Variants in MTUS2 observed in about 807,000 individuals in gnomAD.
MTUS2 encodes microtubule-associated tumor suppressor candidate 2.
A neutral mutation model predicts 114.1 loss-of-function variants in MTUS2; 40 were observed. The ratio of observed to expected loss-of-function variants is 0.35; its 90% CI spans 0.27 to 0.46. The LOEUF (loss-of-function observed/expected upper bound fraction) is 0.46, where lower values mean the gene tolerates loss of function less well. Among genes scored for constraint, MTUS2 ranks in the 20% least tolerant of loss-of-function variants. The pLI is 1.00. For synonymous variants in MTUS2, 688 were observed against 672.0 expected (o/e 1.02, Z -0.37); for missense variants, 1,679 against 1,705.4 (o/e 0.98, Z 0.27).
At chr13:29,155,038 G>A (rs542691190) in intron 5 of MTUS2, among the ~76,000 whole-genome samples, 7 of 152,182 alleles carry the variant, frequency 4.6e-5, no homozygotes, top group Non-Finnish European at 8.8e-5. Context: ...GCTCATAGGC[G>A]TCTGTACCAA....
intron 2 of MTUS2, among the ~76,000 whole-genome samples, chr13:28,942,545 C>T (rs539900598): frequency 1.3e-5 from 2 of 152,180 alleles, no homozygotes; most frequent in African/African-American, 2.4e-5. Context: ...CCTAACAGCT[C>T]CAAACTGGAA....
At chr13:29,012,142 G>A (rs907838482) in intron 2 of MTUS2, among the ~76,000 whole-genome samples, 3 of 152,158 alleles carry the variant, frequency 2.0e-5, no homozygotes, top group Admixed American at 6.5e-5. Context: ...CATCCATTCC[G>A]TGAGTCTAAG....
intron 2 of MTUS2, among the ~76,000 whole-genome samples, chr13:28,943,852 C>T (rs2138143850): frequency 6.6e-6 from 1 of 152,260 alleles, no homozygotes; most frequent in East Asian, 1.9e-4. Context: ...AGGAGCTATT[C>T]TAGGGGATGC....
At chr13:28,994,152 T>A (rs1401071874) in intron 2 of MTUS2, among the ~76,000 whole-genome samples, 3 of 152,130 alleles carry the variant, frequency 2.0e-5, no homozygotes, top group African/African-American at 4.8e-5. Context: ...ACATGCAGTG[T>A]TTGGTTTTTT....
intron 2 of MTUS2, among the ~76,000 whole-genome samples, chr13:28,945,464 T>G (rs1882477216): frequency 6.6e-6 from 1 of 152,156 alleles, no homozygotes; most frequent in African/African-American, 2.4e-5. Context: ...TATAAGTGTT[T>G]CCCTTTCTCC....
At chr13:28,946,300 T>C (rs201476161) in intron 2 of MTUS2, among the ~76,000 whole-genome samples, 191 of 94,586 alleles carry the variant, frequency 2.0e-3, no homozygotes, top group African/African-American at 2.5e-3. Flanking sequence ...TGTGTGTGTG[T>C]GTGTGCGCGC....
chr13:28,939,206 A>G (rs767286323), intron 2 of MTUS2, among the ~76,000 whole-genome samples: 1 of 152,180 alleles, frequency 6.6e-6, no homozygotes, highest in Non-Finnish European at 1.5e-5. Flanking sequence ...GCTTCTGCCC[A>G]ACTGCTGCTC....
intron 2 of MTUS2, among the ~76,000 whole-genome samples, chr13:28,841,686 GTTT>G (rs1029229213): frequency 3.4e-5 from 5 of 149,090 alleles, no homozygotes; most frequent in Admixed American, 6.7e-5. Context: ...GTTTTTTTTT[GTTT>G]TTTTGTTTTT....
intron 8 of MTUS2, among the ~76,000 whole-genome samples, chr13:29,422,768 A>G (rs954774799): frequency 1.4e-5 from 2 of 145,554 alleles, no homozygotes; most frequent in East Asian, 2.1e-4. Context: ...GGTTCAAGCA[A>G]TTCTCCTGCC....
intron 2 of MTUS2, among the ~76,000 whole-genome samples, chr13:28,937,993 C>T (rs965560438): frequency 5.3e-5 from 8 of 152,212 alleles, no homozygotes; most frequent in Non-Finnish European, 5.9e-5. Flanking sequence ...TCCTGCATGC[C>T]TCGGAATGAG....
chr13:29,211,024 T>C (rs1895409444), intron 5 of MTUS2, among the ~76,000 whole-genome samples: 1 of 152,076 alleles, frequency 6.6e-6, no homozygotes, highest in South Asian at 2.1e-4. Context: ...GGCAGGGCCA[T>C]AGAGTTCCCA....
At chr13:29,253,329 G>A (rs1276587185) in intron 5 of MTUS2, among the ~76,000 whole-genome samples, 1 of 151,902 alleles carries the variant, frequency 6.6e-6, no homozygotes, top group East Asian at 1.9e-4. Context: ...GGGAGGCTGA[G>A]ACAGGAGAAT....
At chr13:29,400,594 T>C (rs1874252784) in intron 8 of MTUS2, among the ~76,000 whole-genome samples, 2 of 152,204 alleles carry the variant, frequency 1.3e-5, no homozygotes, top group Admixed American at 1.3e-4. Context: ...ATCTGGCCTT[T>C]GTTCCCTTCA....
intron 5 of MTUS2, among the ~76,000 whole-genome samples, chr13:29,144,895 A>T (rs1017046635): frequency 1.3e-5 from 2 of 152,212 alleles, no homozygotes; most frequent in African/African-American, 4.8e-5. Context: ...GTGTGGTCAC[A>T]CCTTACAGTA....
At position 29,390,138 on chromosome 13, in the gene MTUS2, C is replaced by CTA. The variant is rs1312660281; in HGVS notation, c.3117+30676_3117+30677dup. On this transcript the variant is annotated intron_variant, in intron 8 of 15. Transcript: ENST00000612955. ...ATACACACACAAACATATATACTGACTATATATATATACACACACACACTT... is the reference window on the plus strand; with the variant it reads ...ATACACACACAAACATATATACTGACTATATATATATATACACACACACACTT... 3.2e-4 allele frequency among the ~76,000 whole-genome samples: 43 copies of CTA among 134,060 alleles called. 1 individual carries two copies. The highest frequency in any genetic ancestry group is 3.2e-3 in the South Asian group (13 of 4,094). The allele number at this position is 134,060 out of a possible 152,430, so 87.9% of individuals were successfully genotyped here. A position where few individuals can be genotyped will look rare whatever the true frequency, so the allele number is the denominator to read the frequency against.
chr13:29,020,117 G>GT (rs1406013939), intron 2 of MTUS2, among the ~76,000 whole-genome samples: 1 of 152,180 alleles, frequency 6.6e-6, no homozygotes. Context: ...TAAGCATCAG[G>GT]TAGGTTATAA....
At chr13:29,472,727 A>T (rs180973123) in intron 9 of MTUS2, among the ~76,000 whole-genome samples, 1 of 152,362 alleles carries the variant, frequency 6.6e-6, no homozygotes, top group East Asian at 1.9e-4. Context: ...ATTTGTCTAT[A>T]ATGGCAAATC....
At chr13:29,240,565 C>A (rs1125169) in intron 5 of MTUS2, among the ~76,000 whole-genome samples, 1 of 146,446 alleles carries the variant, frequency 6.8e-6, no homozygotes, top group Admixed American at 6.8e-5. Context: ...GTTGTAATAC[C>A]GACACATTAC....
At chr13:29,350,126 C>G (rs1869098668) in intron 7 of MTUS2, among the ~76,000 whole-genome samples, 1 of 151,774 alleles carries the variant, frequency 6.6e-6, no homozygotes, top group Non-Finnish European at 1.5e-5. Flanking sequence ...TTTTCCTTTC[C>G]CTTTCTTTTT....
Sources: allele counts gnomAD v4.1 joint callset (sites outside exome capture counted in the v4.1 genomes callset), GRCh38; gene constraint gnomAD v4.1.1; transcripts MANE v1.5; gene names NCBI Gene and HGNC (gene_info 2026-07-23, HGNC 2026-07-21).